The following PPP2R5C variants were observed in gnomAD, a reference collection of about 807,000 sequenced individuals.
The protein encoded by PPP2R5C is protein phosphatase 2 regulatory subunit B'gamma.
A neutral mutation model predicts 68.9 loss-of-function variants in PPP2R5C; 7 were observed. The observed-to-expected ratio is 0.10, with a 90% CI of 0.06 to 0.19. The LOEUF (loss-of-function observed/expected upper bound fraction) is 0.19. Among genes scored for constraint, PPP2R5C ranks in the 10% least tolerant of loss-of-function variants. The pLI, the probability that PPP2R5C is intolerant of heterozygous loss-of-function variation, is 1.00. For missense variants in PPP2R5C, 348 were observed against 641.3 expected (o/e 0.54, Z 4.94); for synonymous variants, 210 against 222.2 (o/e 0.95, Z 0.49).
At chr14:101,815,496 A>G (rs966866895) in intron 1 of PPP2R5C, among the ~76,000 whole-genome samples, 1 of 152,176 alleles carries the variant, frequency 6.6e-6, no homozygotes, top group South Asian at 2.1e-4. Context: ...CAAATCTGCC[A>G]GCTAGTAACT....
chr14:101,817,072 C>A (rs1249714822), intron 1 of PPP2R5C, among the ~76,000 whole-genome samples: 1 of 150,810 alleles, frequency 6.6e-6, no homozygotes, highest in African/African-American at 2.4e-5. Context: ...ATTCCACTGC[C>A]TCAGCCTCTC....
Position 101,781,619 on chromosome 14 carries a change from G to A in PPP2R5C, c.94-4399G>A, listed in dbSNP as rs577137825. ...CCTTCCAAGGAGACCCTTAGCTCCC[G>A]CCGGCCGCCTCCGGAGCCTCCGGCA... On this transcript the variant is annotated intron_variant, in intron 2 of 14. Transcript: ENST00000328724. This position sits in a 1 kb window ranked among gnomAD's most constrained non-coding sequence, Gnocchi z 6.4. Among the ~76,000 whole-genome samples the A allele has an allele frequency of 2.0e-5, 3 of 152,130 alleles. No homozygotes were observed. Among genetic ancestry groups the A allele is most frequent in the East Asian group, 1.9e-4 (1 of 5,140 alleles).
chr14:101,901,733 T>C (rs1226946985), exon 9 of PPP2R5C: 1 of 1,613,476 alleles, frequency 6.2e-7, no homozygotes, highest in Non-Finnish European at 8.5e-7. Flanking sequence ...TGATGGCACT[T>C]CTCAAATACT....
At chr14:101,921,903 T>A in intron 13 of PPP2R5C, 1 of 852,980 alleles carries the variant, frequency 1.2e-6, no homozygotes, top group Non-Finnish European at 1.4e-6. Flanking sequence ...TACAGAACAT[T>A]CAAAGAAAAC....
chr14:101,871,939 C>T (rs1483623042), intron 2 of PPP2R5C, among the ~76,000 whole-genome samples: 2 of 151,976 alleles, frequency 1.3e-5, no homozygotes, highest in African/African-American at 4.8e-5. Flanking sequence ...ATACATAAAC[C>T]CCTCAATATC....
In PPP2R5C at chr14:101,907,657, G is replaced by A. The variant is rs142990008; in HGVS notation, c.1151+1128G>A. Among the ~76,000 whole-genome samples, 952 of 152,286 alleles carry A rather than the reference G, an allele frequency of 6.3e-3. 4 individuals are homozygous for A. The highest frequency in any genetic ancestry group is 9.4e-3 in the Non-Finnish European group (641 of 68,018). On this transcript the variant is annotated intron_variant, in intron 10 of 13. Coordinates refer to ENST00000334743, the Ensembl canonical transcript of PPP2R5C. ...TTATGGGTGAGGAAGGTGAGACTTG[G>A]AGGGCATTCGCAGCCCAGTCTGCGG...
intron 2 of PPP2R5C, among the ~76,000 whole-genome samples, chr14:101,860,105 G>C (rs952973836): frequency 4.6e-5 from 7 of 151,986 alleles, no homozygotes; most frequent in Non-Finnish European, 8.8e-5. Context: ...TATGAATATA[G>C]AATTGTACAG....
chr14:101,786,076 TA>T lies in PPP2R5C; in HGVS notation c.156del (p.Val53TyrfsTer7). On this transcript the variant is annotated frameshift_variant, in exon 3 of 15. Coordinates refer to the PPP2R5C transcript ENST00000328724. LOFTEE classifies it high-confidence loss of function. ...GTCCCGTCTACAGTATCTGCTAAAA[TA>T]AAAGTACCAGTCTCTCAGCCCATAG... 6.4e-7 allele frequency: 1 copy of T among 1,557,912 alleles called. No individual in the cohort carries two copies. The highest frequency in any genetic ancestry group is 8.7e-7 in the Non-Finnish European group (1 of 1,150,878).
rs1302276341 is a variant in PPP2R5C, at chr14:101,917,462, T to C, written c.1327-369T>C. ...CTGGCAAAGAATGGGCGGCCAGAGG[T>C]GAGGGTTCCAGTGGTGAGACAGCTC... On this transcript the variant is annotated intron_variant, in intron 12 of 13. Coordinates refer to ENST00000334743, the Ensembl canonical transcript of PPP2R5C. The surrounding 1 kb of genome is among the most constrained non-coding windows in gnomAD (Gnocchi z 4.4). Among the ~76,000 whole-genome samples, 1 of 150,766 alleles carries C rather than the reference T, an allele frequency of 6.6e-6. No homozygotes were observed. The highest frequency in any genetic ancestry group is 1.5e-5 in the Non-Finnish European group (1 of 67,628).
At position 101,797,592 on chromosome 14, in the gene PPP2R5C, A is replaced by G. The variant is rs1414264821; in HGVS notation, c.259+11409A>G. 2 of 234,206 alleles carry G rather than the reference A, an allele frequency of 8.5e-6. No homozygotes were observed. Among genetic ancestry groups the G allele is most frequent in the Admixed American group, 5.1e-5 (1 of 19,746 alleles). 14.5% of individuals were successfully genotyped at this position (234,206 alleles called of 1,614,324 possible). ...ATCCCTTCACCTCCCTCCACCTCGGATTTCCTCTTGGAAAATGAGGCTCCT... is the reference window on the plus strand; with the variant it reads ...ATCCCTTCACCTCCCTCCACCTCGGGTTTCCTCTTGGAAAATGAGGCTCCT... On this transcript the variant is annotated intron_variant, in intron 3 of 14. Coordinates refer to the PPP2R5C transcript ENST00000328724. The surrounding 1 kb of genome is among the most constrained non-coding windows in gnomAD (Gnocchi z 4.2).
At chr14:101,764,198 T>C (rs1379440912) in intron 2 of PPP2R5C, among the ~76,000 whole-genome samples, 2 of 152,242 alleles carry the variant, frequency 1.3e-5, no homozygotes, top group African/African-American at 4.8e-5. Flanking sequence ...GTCACCACTT[T>C]CCTTTGCCTT....
At chr14:101,861,171 A>C (rs966339950) in intron 2 of PPP2R5C, among the ~76,000 whole-genome samples, 5 of 152,228 alleles carry the variant, frequency 3.3e-5, no homozygotes, top group Non-Finnish European at 2.9e-5. Flanking sequence ...ACAGTAACTA[A>C]AGAGTTAAGG....
In PPP2R5C at chr14:101,917,863, C is replaced by T. The variant is rs1402134141; in HGVS notation, c.1359C>T (p.Ser453=). The T allele has an allele frequency of 6.2e-7, 1 of 1,613,748 alleles. No homozygotes were observed. Among genetic ancestry groups the T allele is most frequent in the Non-Finnish European group, 8.5e-7 (1 of 1,179,756 alleles). ...TGTATAGTCAAGCCAGCACCATGAG[C>T]ATTCCGGTTGCAATGGAGACAGATG... The change falls in exon 13 of 14, where the codon AGC becomes AGT. Residue 453 remains serine (S), a synonymous_variant. Coordinates refer to ENST00000334743, the Ensembl canonical transcript of PPP2R5C. The surrounding 1 kb of genome is among the most constrained non-coding windows in gnomAD (Gnocchi z 4.4).
chr14:101,844,455 G>C (rs1175311181), intron 1 of PPP2R5C, among the ~76,000 whole-genome samples: 1 of 152,170 alleles, frequency 6.6e-6, no homozygotes, highest in Non-Finnish European at 1.5e-5. Context: ...TGGAGCTCCG[G>C]CAGCACCGCA....
chr14:101,784,983 C>A (rs1389043394), intron 2 of PPP2R5C, among the ~76,000 whole-genome samples: 1 of 152,182 alleles, frequency 6.6e-6, no homozygotes, highest in African/African-American at 2.4e-5. Flanking sequence ...CCCCTGGTTC[C>A]TCTGCTTCGT....
chr14:101,904,545 C>T lies in PPP2R5C; in HGVS notation c.1024-1857C>T, dbSNP rs531770291. 3.3e-4 allele frequency among the ~76,000 whole-genome samples: 50 copies of T among 152,276 alleles called. 1 individual carries two copies. In the South Asian group the frequency reaches 9.3e-3, roughly 28 times the overall value. Reference sequence around the variant, plus strand: ...ATTGTGCCTTGTTTTGAATCCACGCCGCACTCTCATGCATGCCCTCCCCTC... The same window carrying T: ...ATTGTGCCTTGTTTTGAATCCACGCTGCACTCTCATGCATGCCCTCCCCTC... On this transcript the variant is annotated intron_variant, in intron 9 of 13. Transcript: ENST00000334743.
intron 9 of PPP2R5C, among the ~76,000 whole-genome samples, chr14:101,905,182 C>T (rs1202619745): frequency 1.3e-5 from 2 of 150,986 alleles, no homozygotes; most frequent in African/African-American, 4.9e-5. Flanking sequence ...GGTGAAACCC[C>T]GTCTCTACTA....
intron 1 of PPP2R5C, among the ~76,000 whole-genome samples, chr14:101,762,152 G>C (rs1057363014): frequency 2.0e-5 from 3 of 151,760 alleles, no homozygotes; most frequent in Non-Finnish European, 4.4e-5. Flanking sequence ...GCAGGCCCGG[G>C]CCGCTGGGAC....
At chr14:101,886,150 G>A (rs576112364) in intron 5 of PPP2R5C, among the ~76,000 whole-genome samples, 12 of 152,116 alleles carry the variant, frequency 7.9e-5, no homozygotes, top group Admixed American at 2.6e-4. Flanking sequence ...GCGTGGTGGC[G>A]GGCACCTGTA....
Sources: gnomAD v4.1 joint callset for allele counts (sites outside exome capture counted in the v4.1 genomes callset) on GRCh38, gnomAD v4.1.1 for gene constraint, Gnocchi (gnomAD v3.1) non-coding constraint, MANE v1.5 for transcripts, NCBI Gene and HGNC (gene_info 2026-07-23, HGNC 2026-07-21) for gene names.